Variants in FILIP1 observed in about 807,000 individuals in gnomAD.
FILIP1 encodes the protein filamin A interacting protein 1, also known as filamin-A-interacting protein 1.
A neutral mutation model predicts 102.1 loss-of-function variants in FILIP1; 61 were observed. The ratio of observed to expected loss-of-function variants is 0.60; its 90% CI spans 0.49 to 0.74. The LOEUF is 0.74. Ranked by LOEUF, FILIP1 falls within the 30% of genes least tolerant of loss-of-function variation. The pLI, the probability that FILIP1 is intolerant of heterozygous loss-of-function variation, is 0.00. For synonymous variants in FILIP1, 491 were observed against 526.9 expected, an observed-to-expected ratio of 0.93 and a Z score of 0.93; for missense variants, 1,314 against 1,441.2, an observed-to-expected ratio of 0.91 and a Z score of 1.43.
intron 4 of FILIP1, among the ~76,000 whole-genome samples, chr6:75,351,890 A>T (rs1774821141): frequency 6.6e-6 from 1 of 152,170 alleles, no homozygotes; most frequent in Non-Finnish European, 1.5e-5. Context: ...AGGAGGTGGG[A>T]TTTATTTTCA....
At chr6:75,426,496 T>C (rs1777630479) in intron 1 of FILIP1, among the ~76,000 whole-genome samples, 1 of 151,956 alleles carries the variant, frequency 6.6e-6, no homozygotes, top group Admixed American at 6.6e-5. Flanking sequence ...CCACTAAGTA[T>C]ACAGAGGAGA....
At chr6:75,381,412 T>G (rs977245428) in intron 2 of FILIP1, among the ~76,000 whole-genome samples, 1 of 152,040 alleles carries the variant, frequency 6.6e-6, no homozygotes, top group Non-Finnish European at 1.5e-5. Flanking sequence ...GTATTTTTAG[T>G]AGAGATGAGG....
At chr6:75,471,941 A>T (rs1248316452) in intron 1 of FILIP1, among the ~76,000 whole-genome samples, 1 of 152,122 alleles carries the variant, frequency 6.6e-6, no homozygotes, top group Non-Finnish European at 1.5e-5. Flanking sequence ...AGATAGGGGC[A>T]TTGGAGAGGG....
In FILIP1 at chr6:75,312,458, A is replaced by C; in HGVS notation, c.3374T>G (p.Val1125Gly). 6.2e-7 allele frequency: 1 copy of C among 1,614,118 alleles called. No individual in the cohort carries two copies. The highest frequency in any genetic ancestry group is 8.5e-7 in the Non-Finnish European group (1 of 1,180,028). Residue 1125 changes from valine to glycine, a missense_variant, in exon 5 of 6, where the codon GTG becomes GGG. Physicochemically the swap from Val to Gly is moderately radical, Grantham distance 109. Around this residue, in one of 3 missense-constraint regions of FILIP1, gnomAD observed 816 missense variants for 913.1 expected, o/e 0.89. Coordinates refer to ENST00000237172, the MANE Select transcript of FILIP1 (RefSeq NM_015687.5). ...HLSSRPGASKVTSTITITPVT... is the reference protein window; with the variant it reads ...HLSSRPGASKGTSTITITPVT... ...CGGTGTTATGGTGATAGTGCTCGTC[A>C]CTTTGCTTGCACCAGGCCGTGAGGA...
chr6:75,384,168 T>A (rs1418292058), intron 2 of FILIP1, among the ~76,000 whole-genome samples: 5 of 152,140 alleles, frequency 3.3e-5, no homozygotes, highest in Non-Finnish European at 5.9e-5. Context: ...AACCTAAAAT[T>A]TAGATCAAAC....
At chr6:75,397,147 CTAAAACTTAAAGTATAA>C (rs1776489117) in intron 2 of FILIP1, among the ~76,000 whole-genome samples, 1 of 150,886 alleles carries the variant, frequency 6.6e-6, no homozygotes, top group Non-Finnish European at 1.5e-5. Flanking sequence ...CACATGTACC[CTAAAACTTAAAGTATAA>C]TAAAAAAAAG....
chr6:75,335,612 T>G (rs1774217837), intron 4 of FILIP1, among the ~76,000 whole-genome samples: 2 of 152,160 alleles, frequency 1.3e-5, no homozygotes, highest in Admixed American at 1.3e-4. Context: ...TCCAGTATAA[T>G]TTTTTCTAAG....
intron 3 of FILIP1, 137 bp downstream of exon 3, chr6:75,362,607 A>T (rs2149612625): frequency 2.9e-6 from 2 of 698,940 alleles, no homozygotes; most frequent in East Asian, 5.4e-5. Flanking sequence ...GACTTATTTA[A>T]TTACACTTTA....
intron 1 of FILIP1, among the ~76,000 whole-genome samples, chr6:75,468,251 A>C (rs901647843): frequency 1.5e-4 from 23 of 152,214 alleles, no homozygotes; most frequent in African/African-American, 5.3e-4. Context: ...GTGTCAGCTA[A>C]AAGATGAACA....
At chr6:75,330,800 G>A (rs1774054642) in intron 4 of FILIP1, among the ~76,000 whole-genome samples, 2 of 152,142 alleles carry the variant, frequency 1.3e-5, no homozygotes, top group South Asian at 2.1e-4. Flanking sequence ...AGGGGGTTAT[G>A]TATAATTCTG....
intron 1 of FILIP1, among the ~76,000 whole-genome samples, chr6:75,459,336 T>C (rs1778943494): frequency 6.6e-6 from 1 of 152,220 alleles, no homozygotes; most frequent in African/African-American, 2.4e-5. Context: ...TAATTACTAG[T>C]ATGAATTGTT....
chr6:75,356,087 C>T (rs1486308885), intron 3 of FILIP1, among the ~76,000 whole-genome samples: 1 of 152,214 alleles, frequency 6.6e-6, no homozygotes, highest in East Asian at 1.9e-4. Flanking sequence ...AATTGAGAAC[C>T]ACTGTTCTAG....
At chr6:75,351,613 G>A (rs190464661) in intron 4 of FILIP1, among the ~76,000 whole-genome samples, 42 of 152,326 alleles carry the variant, frequency 2.8e-4, no homozygotes, top group African/African-American at 9.9e-4. Context: ...GTTGCCTGCA[G>A]AATTCAGTAG....
Position 75,308,557 on chromosome 6 carries a change from T to A in FILIP1, c.*134A>T. ...GCACAAAATGGGAAAGACAAATGGT[T>A]ATTAGTTGGTTATTTTATAAACACA... On this transcript the variant is annotated 3_prime_UTR_variant, in exon 6 of 6. Transcript: ENST00000237172. 2.0e-6 allele frequency: 3 copies of A among 1,490,906 alleles called. No homozygotes were observed. The highest frequency in any genetic ancestry group is 8.9e-7 in the Non-Finnish European group (1 of 1,126,166). The allele number at this position is 1,490,906 out of a possible 1,614,324, so 92.4% of individuals were successfully genotyped here.
At chr6:75,339,136 T>A (rs1285503732) in intron 4 of FILIP1, among the ~76,000 whole-genome samples, 1 of 152,226 alleles carries the variant, frequency 6.6e-6, no homozygotes, top group East Asian at 1.9e-4. Flanking sequence ...AAAGCACTAG[T>A]TGTTCACTGT....
chr6:75,439,427 C>A (rs1778133303), intron 1 of FILIP1, among the ~76,000 whole-genome samples: 1 of 151,624 alleles, frequency 6.6e-6, no homozygotes, highest in Admixed American at 6.6e-5. Context: ...TGTGCAAACA[C>A]ATGTTCTTTG....
chr6:75,424,283 G>A (rs1333846756), intron 1 of FILIP1, among the ~76,000 whole-genome samples: 3 of 152,082 alleles, frequency 2.0e-5, no homozygotes, highest in Non-Finnish European at 2.9e-5. Context: ...TAGTCACAGG[G>A]CATAGCATCC....
intron 2 of FILIP1, among the ~76,000 whole-genome samples, chr6:75,372,810 G>T (rs1041599119): frequency 6.7e-6 from 1 of 149,958 alleles, no homozygotes; most frequent in Admixed American, 6.6e-5. Context: ...AAGAAAGAAA[G>T]AAAAGAGTTG....
At chr6:75,297,437 T>C (rs559735903) in intron 6 of FILIP1, among the ~76,000 whole-genome samples, 6 of 152,122 alleles carry the variant, frequency 3.9e-5, no homozygotes, top group Non-Finnish European at 8.8e-5. Context: ...GAATTTGAGG[T>C]AGATAAGAAA....
Sources: gnomAD v4.1 joint callset for allele counts (sites outside exome capture counted in the v4.1 genomes callset) on GRCh38, gnomAD v4.1.1 for gene constraint, gnomAD v4.1.1 regional missense constraint, MANE v1.5 for transcripts, NCBI Gene and HGNC (gene_info 2026-07-23, HGNC 2026-07-21) for gene names.